Variants in HERC3 observed in about 807,000 individuals in gnomAD.
HERC3 encodes probable E3 ubiquitin-protein ligase HERC3.
A neutral mutation model predicts 129.9 loss-of-function variants in HERC3; 58 were observed. The ratio of observed to expected loss-of-function variants is 0.45; its 90% CI spans 0.36 to 0.56. HERC3 has a LOEUF of 0.56. Among genes scored for constraint, HERC3 ranks in the 20% least tolerant of loss-of-function variants. The probability of loss-of-function intolerance (pLI) is 0.00; values close to 1 mark genes in which losing one functional copy is unlikely to be tolerated. For missense variants in HERC3, 835 were observed against 1,244.2 expected, an observed-to-expected ratio of 0.67 and a Z score of 4.95; for synonymous variants, 430 against 451.0, an observed-to-expected ratio of 0.95 and a Z score of 0.59.
intron 3 of HERC3, among the ~76,000 whole-genome samples, chr4:88,643,070 A>T (rs1395246968): frequency 6.6e-6 from 1 of 152,244 alleles, no homozygotes; most frequent in East Asian, 1.9e-4. Context: ...GTCAATACAC[A>T]AAAATGTACT....
intron 3 of HERC3, among the ~76,000 whole-genome samples, chr4:88,611,946 A>G (rs1418157642): frequency 6.6e-6 from 1 of 152,176 alleles, no homozygotes; most frequent in Non-Finnish European, 1.5e-5. Flanking sequence ...GGGGAAGGAA[A>G]GTTGAAAGAA....
the HERC3 span, among the ~76,000 whole-genome samples, chr4:88,549,414 T>G: frequency 2.6e-5 from 4 of 152,128 alleles, no homozygotes; most frequent in Non-Finnish European, 5.9e-5. Flanking sequence ...ATCACCCAAA[T>G]AGTGAACATA....
chr4:88,551,737 G>A, the HERC3 span, among the ~76,000 whole-genome samples: 1 of 152,104 alleles, frequency 6.6e-6, no homozygotes, highest in South Asian at 2.1e-4. Context: ...AATTCCTCAG[G>A]GATCTAGAAC....
chr4:88,705,260 C>T (rs1262453412), intron 25 of HERC3, among the ~76,000 whole-genome samples: 5 of 152,174 alleles, frequency 3.3e-5, no homozygotes, highest in Admixed American at 6.5e-5. Context: ...ATTAACCTCT[C>T]TTATCTCTCT....
chr4:88,564,221 G>A, the HERC3 span, among the ~76,000 whole-genome samples: 1 of 152,084 alleles, frequency 6.6e-6, no homozygotes, highest in Non-Finnish European at 1.5e-5. Flanking sequence ...TTACATCAAG[G>A]TTCATCAGAT....
the HERC3 span, among the ~76,000 whole-genome samples, chr4:88,544,546 T>C: frequency 6.6e-6 from 1 of 152,242 alleles, no homozygotes; most frequent in Non-Finnish European, 1.5e-5. Context: ...AAATATCATT[T>C]GACCCAGCGA....
In HERC3 at chr4:88,677,946, T is replaced by C. The variant is rs756500988; in HGVS notation, c.2026-18T>C. On this transcript the variant is annotated intron_variant, in intron 18 of 25. Transcript: ENST00000402738. The stretch of plus-strand genomic sequence containing the variant: ...ACGTGTGCTCTGAGTAATTGCTTTC[T>C]TGACTGTGCCATTCCAGGTGGCAGT... 2 of 1,608,448 alleles carry C rather than the reference T, an allele frequency of 1.2e-6. No homozygotes were observed. The highest frequency in any genetic ancestry group is 2.2e-5 in the East Asian group (1 of 44,858).
chr4:88,563,659 C>CTT, the HERC3 span, among the ~76,000 whole-genome samples: 3 of 138,330 alleles, frequency 2.2e-5, no homozygotes, highest in Non-Finnish European at 1.6e-5. Context: ...ATGTTCCTTC[C>CTT]TTTTTTTTTT....
At chr4:88,524,735 G>C in the HERC3 span, 1 of 152,134 alleles carries the variant, frequency 6.6e-6, no homozygotes, top group Non-Finnish European at 1.5e-5. Context: ...CTCCATTAAT[G>C]TTGTCTATTT....
intron 23 of HERC3, among the ~76,000 whole-genome samples, chr4:88,698,935 AC>A (rs1560781265): frequency 6.6e-5 from 2 of 30,206 alleles, no homozygotes; most frequent in African/African-American, 1.6e-4. Flanking sequence ...CACCCTCCTC[AC>A]CCCCTTCTTC....
chr4:88,641,235 G>A (rs1435013010), intron 3 of HERC3, among the ~76,000 whole-genome samples: 15 of 152,094 alleles, frequency 9.9e-5, no homozygotes, highest in Non-Finnish European at 1.9e-4. Context: ...AAGTCTCAAG[G>A]GAAATCTAAA....
chr4:88,570,966 G>T, the HERC3 span, among the ~76,000 whole-genome samples: 1 of 151,522 alleles, frequency 6.6e-6, no homozygotes, highest in African/African-American at 2.4e-5. Flanking sequence ...CACCAGGTTA[G>T]CCAGGATGGT....
At chr4:88,566,239 T>C in the HERC3 span, among the ~76,000 whole-genome samples, 1 of 152,214 alleles carries the variant, frequency 6.6e-6, no homozygotes, top group Non-Finnish European at 1.5e-5. Flanking sequence ...TGGTTTTCTG[T>C]TTCTGTGTTT....
intron 10 of HERC3, among the ~76,000 whole-genome samples, chr4:88,659,842 A>G (rs1221730394): frequency 6.6e-6 from 1 of 152,202 alleles, no homozygotes; most frequent in Non-Finnish European, 1.5e-5. Context: ...TCTTGTAAAT[A>G]TAGTATCTGA....
intron 21 of HERC3, among the ~76,000 whole-genome samples, chr4:88,683,794 C>T (rs1478570508): frequency 1.3e-5 from 2 of 152,110 alleles, no homozygotes; most frequent in African/African-American, 4.8e-5. Flanking sequence ...AGTGTTTTTA[C>T]CAAGCTTGTC....
intron 12 of HERC3, among the ~76,000 whole-genome samples, chr4:88,666,997 TC>T (rs1337713235): frequency 6.6e-6 from 1 of 152,104 alleles, no homozygotes; most frequent in African/African-American, 2.4e-5. Context: ...TACATCTAGT[TC>T]AATGAGCCAC....
At chr4:88,589,034 T>G (rs1721596388), upstream of HERC3, among the ~76,000 whole-genome samples, 2 of 151,986 alleles carry the variant, frequency 1.3e-5, no homozygotes, top group South Asian at 4.1e-4. Context: ...CAAGATCCTG[T>G]CTCTTAAAAA....
At chr4:88,655,809 T>G in intron 8 of HERC3, 66 bp from the exon 9 acceptor site, 2 of 1,511,206 alleles carry the variant, frequency 1.3e-6, no homozygotes, top group Non-Finnish European at 1.8e-6. Context: ...AAGTTAAAAG[T>G]CAGAGTCAGA....
At chr4:88,660,455 C>T (rs1366725690) in intron 10 of HERC3, among the ~76,000 whole-genome samples, 2 of 152,136 alleles carry the variant, frequency 1.3e-5, no homozygotes, top group African/African-American at 4.8e-5. Context: ...CTACCCTCCT[C>T]GGCCTCCCAA....
Sources: gnomAD v4.1 joint callset for allele counts (sites outside exome capture counted in the v4.1 genomes callset) on GRCh38, gnomAD v4.1.1 for gene constraint, MANE v1.5 for transcripts, NCBI Gene and HGNC (gene_info 2026-07-23, HGNC 2026-07-21) for gene names.